The following PIK3C2B variants were observed in gnomAD, a reference collection of about 807,000 sequenced individuals.
The protein encoded by PIK3C2B is phosphatidylinositol 4-phosphate 3-kinase C2 domain-containing subunit beta.
PIK3C2B carries 83 observed loss-of-function variants against 184.3 expected under a neutral mutation model. That is an observed-to-expected ratio of 0.45 (90% CI 0.38 to 0.54). PIK3C2B has a LOEUF of 0.54. Ranked by LOEUF, PIK3C2B falls within the 20% of genes least tolerant of loss-of-function variation. The probability of loss-of-function intolerance (pLI) is 0.00; values close to 1 mark genes in which losing one functional copy is unlikely to be tolerated. For missense variants in PIK3C2B, 1,736 were observed against 2,113.5 expected (o/e 0.82, Z 3.50); for synonymous variants, 779 against 837.6 (o/e 0.93, Z 1.21).
At chr1:204,430,407 G>A (rs57272147) in intron 28 of PIK3C2B, among the ~76,000 whole-genome samples, 9,103 of 151,664 alleles carry the variant, frequency 0.06, 434 homozygotes, top group African/African-American at 0.13. Context: ...GTACAGTGGC[G>A]CAATCTCGGC....
At position 204,433,418 on chromosome 1, in the gene PIK3C2B, GACA is replaced by G. The variant is rs1343995601; in HGVS notation, c.3848_3850del (p.Leu1283del). ...GTCTGAGAGTTCAGGGATCCCACAG[GACA>G]ACATCTAGAAGGAGCAGAAAGAAGA... On this transcript the variant is annotated inframe_deletion, in exon 26 of 33. Transcript: ENST00000684373. The surrounding 1 kb of genome is among the most constrained non-coding windows in gnomAD (Gnocchi z 5.0). The G allele has an allele frequency of 1.9e-6, 3 of 1,586,102 alleles. No homozygotes were observed. Among genetic ancestry groups the G allele is most frequent in the East Asian group, 2.2e-5 (1 of 44,738 alleles).
In PIK3C2B at chr1:204,460,678, A is replaced by G. The variant is rs965529252; in HGVS notation, c.1311-17T>C. The G allele has an allele frequency of 6.6e-7, 1 of 1,506,354 alleles. No individual in the cohort carries two copies. Among genetic ancestry groups the G allele is most frequent in the East Asian group, 2.3e-5 (1 of 44,358 alleles). 93.3% of individuals were successfully genotyped at this position (1,506,354 alleles called of 1,614,324 possible). ...GCATGCTTGCTGGTAGGGTAGAGGGACAAGACCATTAGCATCCTGGGGACT... is the reference window on the plus strand; with the variant it reads ...GCATGCTTGCTGGTAGGGTAGAGGGGCAAGACCATTAGCATCCTGGGGACT... On this transcript the variant is annotated splice_polypyrimidine_tract_variant and intron_variant, in intron 5 of 32. Coordinates refer to ENST00000684373, the MANE Select transcript of PIK3C2B (RefSeq NM_001377334.1).
At position 204,447,505 on chromosome 1, in the gene PIK3C2B, T is replaced by C. The variant is rs1653979654; in HGVS notation, c.2420A>G (p.Glu807Gly). ...PPGDKFSPRYEFGSLREEDQR... is the reference protein window; with the variant it reads ...PPGDKFSPRYGFGSLREEDQR... ...GTCTTCTTCCCGGAGGCTGCCAAAC[T>C]CATAGCGGGGGCTGAACTTGTCTCC... The change falls in exon 15 of 33, where the codon GAG (glutamate) becomes GGG (glycine). Residue 807 changes from glutamate (E) to glycine (G), a missense_variant. Coordinates refer to ENST00000684373, the MANE Select transcript of PIK3C2B (RefSeq NM_001377334.1). This position sits in a 1 kb window ranked among gnomAD's most constrained non-coding sequence, Gnocchi z 4.1. The C allele has an allele frequency of 6.2e-7, 1 of 1,611,498 alleles. No homozygotes were observed. Among genetic ancestry groups the C allele is most frequent in the Non-Finnish European group, 8.5e-7 (1 of 1,179,030 alleles).
intron 5 of PIK3C2B, among the ~76,000 whole-genome samples, chr1:204,462,945 T>C (rs3014602): frequency 0.66 from 100,666 of 151,972 alleles, 36,659 homozygotes; most frequent in Non-Finnish European, 0.81. Context: ...TAATCCCAGC[T>C]ACTCAGGAGG....
chr1:204,445,366 G>T (rs1653760638), intron 16 of PIK3C2B, among the ~76,000 whole-genome samples: 1 of 152,076 alleles, frequency 6.6e-6, no homozygotes, highest in South Asian at 2.1e-4. Context: ...GGCCAAGGAG[G>T]GAGCATTGCT....
intron 1 of PIK3C2B, among the ~76,000 whole-genome samples, chr1:204,485,134 G>T (rs1211167200): frequency 1.3e-5 from 2 of 150,428 alleles, no homozygotes; most frequent in African/African-American, 2.5e-5. Context: ...CTGCAGCCTT[G>T]ACCTCCCAGT....
At chr1:204,463,716 C>G (rs1246087074) in intron 5 of PIK3C2B, among the ~76,000 whole-genome samples, 2 of 150,748 alleles carry the variant, frequency 1.3e-5, no homozygotes, top group Non-Finnish European at 3.0e-5. Context: ...CCCCTCCCCA[C>G]AAATACACAC....
At chr1:204,451,545 A>C (rs1265277311) in intron 12 of PIK3C2B, among the ~76,000 whole-genome samples, 1 of 152,122 alleles carries the variant, frequency 6.6e-6, no homozygotes, top group African/African-American at 2.4e-5. Flanking sequence ...CATATCACAC[A>C]GGCTGCCTCC....
intron 5 of PIK3C2B, among the ~76,000 whole-genome samples, chr1:204,462,927 T>TA (rs61761698): frequency 0.015 from 2,278 of 152,138 alleles, 71 homozygotes; most frequent in African/African-American, 0.052. Flanking sequence ...TGGTGGTGCT[T>TA]ATGCCTGTAA....
Position 204,436,169 on chromosome 1 carries a change from T to C in PIK3C2B, c.3517-1561A>G, listed in dbSNP as rs115710939. ...GTTTCATGTGTAGGGTGTGGGATAC[T>C]CTCTTGCTGAGTAGGTGGCCAAGAG... On this transcript the variant is annotated intron_variant, in intron 23 of 32. Coordinates refer to ENST00000684373, the MANE Select transcript of PIK3C2B (RefSeq NM_001377334.1). 7.6e-3 allele frequency among the ~76,000 whole-genome samples: 1,153 copies of C among 152,334 alleles called. 12 individuals carry two copies. The highest frequency in any genetic ancestry group is 0.026 in the African/African-American group (1,065 of 41,552).
In PIK3C2B at chr1:204,464,619, A is replaced by C. The variant is rs774316157; in HGVS notation, c.1035-15T>G. 10 of 1,611,392 alleles carry C rather than the reference A, an allele frequency of 6.2e-6. 1 individual carries two copies. The South Asian group carries it at 1.1e-4, about 18-fold the overall frequency. On this transcript the variant is annotated splice_polypyrimidine_tract_variant and intron_variant, in intron 3 of 32. Transcript: ENST00000684373. ...CAGATCGAAGGCTGTACAGGAAGAAAAAAAACCCTCACTGTGCCTTTAGAA... is the reference window on the plus strand; with the variant it reads ...CAGATCGAAGGCTGTACAGGAAGAACAAAAACCCTCACTGTGCCTTTAGAA...
At position 204,469,764 on chromosome 1, in the gene PIK3C2B, G is replaced by T. The variant is rs1360254272; in HGVS notation, c.39C>A (p.Ser13=). ...TGCGGCTGATGCCCACTGACTCCAG[G>T]GACTTCCAGTGTTCCCCATTGCCCT... ...STQGNGEHWK[S]LESVGISRKE... The change falls in exon 2 of 33, where the codon TCC becomes TCA. Residue 13 remains serine, a synonymous_variant. Coordinates refer to ENST00000684373, the MANE Select transcript of PIK3C2B (RefSeq NM_001377334.1). 1 of 1,613,962 alleles carries T rather than the reference G, an allele frequency of 6.2e-7. No individual in the cohort carries two copies. The highest frequency in any genetic ancestry group is 8.5e-7 in the Non-Finnish European group (1 of 1,179,940).
rs547143798 is a variant in PIK3C2B, at chr1:204,457,891, A to G, written c.1567-17T>C. The G allele has an allele frequency of 3.7e-6, 6 of 1,610,222 alleles. No homozygotes were observed. The African/African-American group carries it at 6.7e-5, about 18-fold the overall frequency. The stretch of plus-strand genomic sequence containing the variant: ...GAAGTCTCCCTGTGGGAGGTGGCAC[A>G]GTGAGGCTGGCAGGCTCTGCTCTCA... On this transcript the variant is annotated splice_polypyrimidine_tract_variant and intron_variant, in intron 8 of 32. Transcript: ENST00000684373.
Position 204,460,517 on chromosome 1 carries a change from C to A in PIK3C2B, c.1422+33G>T. The A allele has an allele frequency of 3.2e-6, 5 of 1,581,668 alleles. No homozygotes were observed. The South Asian group carries it at 5.5e-5, about 18-fold the overall frequency. The stretch of plus-strand genomic sequence containing the variant: ...TTGTATTCCCATTCCACCTCCCCAG[C>A]CCTGGGCAACCCTCCACCACCCTCA... On this transcript the variant is annotated intron_variant, in intron 6 of 32. Coordinates refer to ENST00000684373, the MANE Select transcript of PIK3C2B (RefSeq NM_001377334.1).
At chr1:204,459,425 G>C (rs1240209270) in intron 8 of PIK3C2B, among the ~76,000 whole-genome samples, 1 of 152,208 alleles carries the variant, frequency 6.6e-6, no homozygotes. Context: ...GAATCCAAGT[G>C]GGGAGGGCTC....
intron 2 of PIK3C2B, among the ~76,000 whole-genome samples, 154 bp from the exon 3 acceptor site, chr1:204,465,473 G>A (rs1221073797): frequency 2.0e-5 from 3 of 152,216 alleles, no homozygotes; most frequent in East Asian, 1.9e-4. Context: ...GGACATCCGG[G>A]AATACATGTA....
Position 204,441,537 on chromosome 1 carries a change from A to C in PIK3C2B, c.3183T>G (p.Ala1061=), listed in dbSNP as rs753726044. 6.2e-7 allele frequency: 1 copy of C among 1,613,138 alleles called. No homozygotes were observed. Among genetic ancestry groups the C allele is most frequent in the East Asian group, 2.2e-5 (1 of 44,886 alleles). Residue 1061 remains alanine (A), a synonymous_variant, in exon 21 of 33, where the codon GCT becomes GCG. Transcript: ENST00000684373. ...PRDCSYFNSN[A]VPLKLSFQNV... is the part of the protein sequence containing the mutation. ...TTTGGAAGGAGAGTTTGAGGGGGAC[A>C]GCATTGGAGTTGAAGTAGGAACAGT...
chr1:204,449,408 C>A (rs1572329613), intron 13 of PIK3C2B, 112 bp from the exon 14 acceptor site: 3 of 769,726 alleles, frequency 3.9e-6, no homozygotes, highest in South Asian at 1.6e-5. Context: ...TCATCCAACT[C>A]CCCTCTCATT....
intron 19 of PIK3C2B, among the ~76,000 whole-genome samples, chr1:204,442,920 T>TA (rs1416760967): frequency 6.6e-6 from 1 of 152,216 alleles, no homozygotes; most frequent in Admixed American, 6.5e-5. Context: ...GGGGAAGAGC[T>TA]ATTTAGGCTT....
Sources: allele counts gnomAD v4.1 joint callset (sites outside exome capture counted in the v4.1 genomes callset), GRCh38; gene constraint gnomAD v4.1.1; non-coding constraint Gnocchi (gnomAD v3.1); transcripts MANE v1.5; gene names NCBI Gene and HGNC (gene_info 2026-07-23, HGNC 2026-07-21).